The following KIF6 variants were observed in gnomAD, a reference collection of about 807,000 sequenced individuals.
KIF6 encodes kinesin-like protein KIF6.
KIF6 carries 106 observed loss-of-function variants against 112.7 expected under a neutral mutation model. The ratio of observed to expected loss-of-function variants is 0.94; its 90% CI spans 0.80 to 1.11. KIF6 has a LOEUF of 1.11. Among genes scored for constraint, KIF6 ranks in the 50% least tolerant of loss-of-function variants. The pLI is 0.00. For synonymous variants in KIF6, 339 were observed against 339.9 expected (o/e 1.00, Z 0.03); for missense variants, 929 against 964.0 (o/e 0.96, Z 0.48).
At chr6:39,384,757 T>G (rs1339798052) in intron 16 of KIF6, among the ~76,000 whole-genome samples, 1 of 152,178 alleles carries the variant, frequency 6.6e-6, no homozygotes, top group African/African-American at 2.4e-5. Context: ...GGGAACTTTT[T>G]TTGTCTGGAA....
At chr6:39,587,233 C>T (rs1330578521) in intron 7 of KIF6, among the ~76,000 whole-genome samples, 1 of 152,128 alleles carries the variant, frequency 6.6e-6, no homozygotes, top group Non-Finnish European at 1.5e-5. Context: ...ATGTTCATTA[C>T]AAAGCAGCAG....
chr6:39,580,634 A>T (rs895085120), intron 9 of KIF6, among the ~76,000 whole-genome samples: 1 of 152,206 alleles, frequency 6.6e-6, no homozygotes, highest in Non-Finnish European at 1.5e-5. Context: ...GGGATGAAAT[A>T]ATATAATTTC....
intron 13 of KIF6, among the ~76,000 whole-genome samples, chr6:39,523,290 T>C (rs1312484806): frequency 1.3e-5 from 2 of 152,148 alleles, no homozygotes; most frequent in African/African-American, 4.8e-5. Context: ...CAACGTCCTG[T>C]CTACCTTCCC....
chr6:39,463,032 TCAACAGCTAAGA>T (rs1773572502), intron 13 of KIF6, among the ~76,000 whole-genome samples: 1 of 152,190 alleles, frequency 6.6e-6, no homozygotes. Flanking sequence ...CTTTGTTCCA[TCAACAGCTAAGA>T]CAACAGCTAA....
rs201791401 is a variant in KIF6, at chr6:39,540,344, G to A, written c.1427-123C>T. 3.0e-5 allele frequency: 20 copies of A among 665,184 alleles called. No homozygotes were observed. The East Asian group carries it at 5.3e-4, about 18-fold the overall frequency. The allele number at this position is 665,184 out of a possible 1,614,324, so 41.2% of individuals were successfully genotyped here. On this transcript the variant is annotated intron_variant, in intron 12 of 22. Transcript: ENST00000287152. Reference sequence around the variant, plus strand: ...TATCATGTGGTAAAGACTGAAGGAAGGCTTCAACTTCCTGAAGCCCCATAT... The same window carrying A: ...TATCATGTGGTAAAGACTGAAGGAAAGCTTCAACTTCCTGAAGCCCCATAT...
chr6:39,502,156 A>G (rs1248452102), intron 13 of KIF6, among the ~76,000 whole-genome samples: 1 of 152,214 alleles, frequency 6.6e-6, no homozygotes, highest in African/African-American at 2.4e-5. Flanking sequence ...GTAACCCTAC[A>G]AGCCGGAAGA....
chr6:39,465,968 GTCACTC>G (rs1773760550), intron 13 of KIF6, among the ~76,000 whole-genome samples: 1 of 152,172 alleles, frequency 6.6e-6, no homozygotes, highest in African/African-American at 2.4e-5. Context: ...CTGGCAGAAT[GTCACTC>G]CCTTCTTTCC....
At chr6:39,613,072 AT>A (rs1783302802) in intron 6 of KIF6, 116 bp downstream of exon 6, 6 of 755,128 alleles carry the variant, frequency 7.9e-6, no homozygotes, top group Non-Finnish European at 1.1e-5. Flanking sequence ...GGACGAGATT[AT>A]TTTTAAGGTC....
At chr6:39,724,306 A>G (rs1790403043) in intron 1 of KIF6, among the ~76,000 whole-genome samples, 1 of 152,110 alleles carries the variant, frequency 6.6e-6, no homozygotes, top group Non-Finnish European at 1.5e-5. Flanking sequence ...ACAAAAAATT[A>G]ACCGGGCGTG....
At chr6:39,611,834 C>T (rs1030993505) in intron 6 of KIF6, among the ~76,000 whole-genome samples, 3 of 152,010 alleles carry the variant, frequency 2.0e-5, no homozygotes, top group African/African-American at 4.8e-5. Flanking sequence ...CCTTAATCTT[C>T]GATTATTATG....
At chr6:39,442,671 C>T (rs932920062) in intron 13 of KIF6, among the ~76,000 whole-genome samples, 1 of 152,190 alleles carries the variant, frequency 6.6e-6, no homozygotes, top group African/African-American at 2.4e-5. Context: ...GATGTGGCAG[C>T]ACTGAAAAAG....
chr6:39,617,072 T>C (rs553980296), intron 5 of KIF6, among the ~76,000 whole-genome samples: 1 of 152,080 alleles, frequency 6.6e-6, no homozygotes, highest in Non-Finnish European at 1.5e-5. Flanking sequence ...CCAAACTATT[T>C]ATTTGATTTT....
At chr6:39,428,487 C>T (rs1397284504) in intron 14 of KIF6, among the ~76,000 whole-genome samples, 1 of 152,160 alleles carries the variant, frequency 6.6e-6, no homozygotes, top group African/African-American at 2.4e-5. Flanking sequence ...TGCAGATGTG[C>T]ATATGTCCCC....
intron 13 of KIF6, among the ~76,000 whole-genome samples, chr6:39,524,297 T>C (rs1338841642): frequency 1.3e-5 from 2 of 152,254 alleles, no homozygotes; most frequent in East Asian, 3.9e-4. Flanking sequence ...AAAATAGTGA[T>C]TAGATTACAT....
At chr6:39,579,173 T>C (rs1781146786) in intron 9 of KIF6, among the ~76,000 whole-genome samples, 1 of 152,144 alleles carries the variant, frequency 6.6e-6, no homozygotes, top group Non-Finnish European at 1.5e-5. Flanking sequence ...CTCTTCAGAG[T>C]AGTACAAATT....
intron 13 of KIF6, among the ~76,000 whole-genome samples, chr6:39,517,083 G>C (rs1425583583): frequency 1.3e-5 from 2 of 152,120 alleles, no homozygotes; most frequent in Non-Finnish European, 2.9e-5. Flanking sequence ...CATCCATACT[G>C]TACTGAAATA....
intron 10 of KIF6, among the ~76,000 whole-genome samples, chr6:39,575,492 G>C (rs554833479): frequency 2.6e-5 from 4 of 151,978 alleles, no homozygotes; most frequent in South Asian, 2.1e-4. Flanking sequence ...GGATGGTCTC[G>C]ATCTCCTGAC....
intron 6 of KIF6, among the ~76,000 whole-genome samples, chr6:39,610,221 C>A (rs1193263855): frequency 6.6e-6 from 1 of 152,082 alleles, no homozygotes; most frequent in South Asian, 2.1e-4. Flanking sequence ...TTTGGCCCAG[C>A]AGTTCAACTT....
intron 5 of KIF6, among the ~76,000 whole-genome samples, chr6:39,619,098 A>C (rs1783682746): frequency 2.0e-5 from 3 of 152,186 alleles, no homozygotes. Flanking sequence ...ATAATCTGCA[A>C]CCTACAACAC....
Sources: gnomAD v4.1 joint callset for allele counts (sites outside exome capture counted in the v4.1 genomes callset) on GRCh38, gnomAD v4.1.1 for gene constraint, MANE v1.5 for transcripts, NCBI Gene and HGNC (gene_info 2026-07-23, HGNC 2026-07-21) for gene names.